SOX5: variants seen among roughly 807,000 people sequenced by gnomAD.
SOX5 encodes SRY-box transcription factor 5.
In SOX5, 9 loss-of-function variants were observed where a neutral mutation model predicts 92.0. The observed-to-expected ratio is 0.10, with a 90% CI of 0.06 to 0.17. The LOEUF is 0.17. SOX5 is among the 10% of genes least tolerant of loss of function. The pLI is 1.00. For synonymous variants in SOX5, 344 were observed against 336.3 expected (o/e 1.02, Z -0.25); for missense variants, 642 against 944.5 (o/e 0.68, Z 4.20).
chr12:23,794,617 A>T (rs1427147478), intron 3 of SOX5, among the ~76,000 whole-genome samples: 1 of 152,148 alleles, frequency 6.6e-6, no homozygotes, highest in Non-Finnish European at 1.5e-5. Context: ...ACAAAAACGC[A>T]ATGTTTACAG....
intron 3 of SOX5, among the ~76,000 whole-genome samples, chr12:23,824,069 T>G (rs1397011363): frequency 1.3e-5 from 2 of 152,184 alleles, no homozygotes; most frequent in East Asian, 1.9e-4. Context: ...ACATGCTCCT[T>G]TAGTTTGGAG....
At chr12:24,334,492 G>A (rs1452850977) in intron 2 of SOX5, among the ~76,000 whole-genome samples, 1 of 152,068 alleles carries the variant, frequency 6.6e-6, no homozygotes, top group Non-Finnish European at 1.5e-5. Flanking sequence ...TTAAAATAAA[G>A]GGATGCCTTT....
intron 2 of SOX5, among the ~76,000 whole-genome samples, chr12:23,867,038 C>T (rs969123289): frequency 2.8e-5 from 4 of 144,432 alleles, no homozygotes; most frequent in Admixed American, 6.8e-5. Flanking sequence ...CTCAACTCCA[C>T]GCCTCTCCTC....
chr12:24,562,445 ACT>A (rs1270183150), exon 1 of SOX5: 1 of 149,012 alleles, frequency 6.7e-6, no homozygotes, highest in Non-Finnish European at 1.5e-5. Flanking sequence ...CGCCTTTTTC[ACT>A]CTGTGTGTGT....
chr12:24,517,569 A>G (rs886285919), intron 1 of SOX5, among the ~76,000 whole-genome samples: 19 of 152,200 alleles, frequency 1.2e-4, no homozygotes, highest in African/African-American at 4.3e-4. Flanking sequence ...ATATCAAGAG[A>G]TCACAGCTTG....
At chr12:24,439,413 T>C (rs992452678) in intron 1 of SOX5, among the ~76,000 whole-genome samples, 22 of 152,304 alleles carry the variant, frequency 1.4e-4, no homozygotes, top group African/African-American at 2.6e-4. Context: ...CTTCCTGCCC[T>C]AGATTTCCTC....
At chr12:24,318,329 T>C (rs1478018578) in intron 2 of SOX5, among the ~76,000 whole-genome samples, 1 of 152,170 alleles carries the variant, frequency 6.6e-6, no homozygotes, top group Non-Finnish European at 1.5e-5. Flanking sequence ...TCTGGGACAG[T>C]TGGGTAGGAT....
In SOX5 at chr12:23,593,088, T is replaced by A. The variant is rs980428592; in HGVS notation, c.1164+11299A>T. ...AGTTAGACCCTGTCTCAAAAATAAA[T>A]AAATAAATAAATAAATTACTGTTTC... On this transcript the variant is annotated intron_variant, in intron 9 of 14. Transcript: ENST00000451604. Among the ~76,000 whole-genome samples, 334 of 150,752 alleles carry A rather than the reference T, an allele frequency of 2.2e-3. 3 individuals carry two copies. Among genetic ancestry groups the A allele is most frequent in the African/African-American group, 7.9e-3 (321 of 40,528 alleles).
intron 4 of SOX5, among the ~76,000 whole-genome samples, chr12:24,173,388 G>A (rs950449773): frequency 3.3e-5 from 5 of 152,178 alleles, no homozygotes; most frequent in Non-Finnish European, 4.4e-5. Flanking sequence ...TAAAAGGTCT[G>A]TTTTCCAGCT....
intron 3 of SOX5, among the ~76,000 whole-genome samples, chr12:23,843,651 C>A (rs1489329746): frequency 6.7e-6 from 1 of 149,440 alleles, no homozygotes; most frequent in Non-Finnish European, 1.5e-5. Context: ...GCAACCTCCC[C>A]CTCCCAGATT....
chr12:24,454,369 C>T (rs1348799328), intron 1 of SOX5, among the ~76,000 whole-genome samples: 1 of 152,184 alleles, frequency 6.6e-6, no homozygotes, highest in East Asian at 1.9e-4. Flanking sequence ...ATATCACTTG[C>T]ACCTTCTTCC....
At chr12:24,031,926 T>C (rs1955553576) in intron 4 of SOX5, among the ~76,000 whole-genome samples, 2 of 151,912 alleles carry the variant, frequency 1.3e-5, no homozygotes, top group Non-Finnish European at 2.9e-5. Flanking sequence ...ATCTTATGCA[T>C]AGGCATGAGA....
chr12:24,492,833 A>G (rs1947228091), intron 1 of SOX5, among the ~76,000 whole-genome samples: 1 of 152,192 alleles, frequency 6.6e-6, no homozygotes, highest in South Asian at 2.1e-4. Flanking sequence ...CAGATGTGAA[A>G]TTTTGAGTGT....
intron 3 of SOX5, among the ~76,000 whole-genome samples, chr12:24,223,010 G>C (rs984315094): frequency 5.3e-5 from 8 of 152,174 alleles, no homozygotes; most frequent in Admixed American, 1.3e-4. Flanking sequence ...AAACTGCAGA[G>C]TCAACTGGTC....
At chr12:24,246,445 T>C (rs1297056536) in intron 3 of SOX5, among the ~76,000 whole-genome samples, 2 of 152,102 alleles carry the variant, frequency 1.3e-5, no homozygotes, top group African/African-American at 4.8e-5. Flanking sequence ...TCATACCACC[T>C]GAGAGAAACT....
intron 1 of SOX5, among the ~76,000 whole-genome samples, chr12:23,922,075 G>T (rs1001034776): frequency 2.6e-5 from 4 of 152,036 alleles, no homozygotes; most frequent in African/African-American, 9.7e-5. Flanking sequence ...CTCCCCCCCT[G>T]GGCTCCCACT....
intron 2 of SOX5, among the ~76,000 whole-genome samples, chr12:23,865,611 G>A (rs1247745386): frequency 6.6e-6 from 1 of 151,454 alleles, no homozygotes; most frequent in Non-Finnish European, 1.5e-5. Flanking sequence ...GGAGGCGGAG[G>A]TTGCAGTGAG....
intron 9 of SOX5, chr12:23,582,070 T>A: frequency 2.5e-6 from 2 of 792,022 alleles, no homozygotes; most frequent in Non-Finnish European, 3.1e-6. Context: ...ATGCTGCTGC[T>A]ATTATCCTCT....
intron 9 of SOX5, among the ~76,000 whole-genome samples, chr12:23,583,618 A>T (rs543865051): frequency 6.6e-6 from 1 of 152,234 alleles, no homozygotes; most frequent in African/African-American, 2.4e-5. Flanking sequence ...GTTATCTTTT[A>T]AAATGATTAA....
Sources: allele counts gnomAD v4.1 joint callset (sites outside exome capture counted in the v4.1 genomes callset), GRCh38; gene constraint gnomAD v4.1.1; transcripts MANE v1.5; gene names NCBI Gene and HGNC (gene_info 2026-07-23, HGNC 2026-07-21).